GRIK1: variants seen among roughly 807,000 people sequenced by gnomAD.
The protein encoded by GRIK1 is glutamate receptor ionotropic, kainate 1.
In GRIK1, 69 loss-of-function variants were observed where a neutral mutation model predicts 105.7. The ratio of observed to expected loss-of-function variants is 0.65; its 90% CI spans 0.54 to 0.80. The LOEUF (loss-of-function observed/expected upper bound fraction) is 0.80, where lower values mean the gene tolerates loss of function less well. Among genes scored for constraint, GRIK1 ranks in the 30% least tolerant of loss-of-function variants. The pLI is 0.00. For missense variants in GRIK1, 1,109 were observed against 1,167.3 expected, an observed-to-expected ratio of 0.95 and a Z score of 0.73; for synonymous variants, 438 against 431.3, an observed-to-expected ratio of 1.02 and a Z score of -0.19.
intron 1 of GRIK1, chr21:29,758,785 G>A (rs1475473337): frequency 3.3e-5 from 5 of 152,594 alleles, no homozygotes; most frequent in Non-Finnish European, 7.3e-5. Flanking sequence ...ATTAGTGTGC[G>A]TTTAGTGAGA....
At chr21:29,748,601 A>C (rs1227489401) in intron 1 of GRIK1, among the ~76,000 whole-genome samples, 1 of 152,266 alleles carries the variant, frequency 6.6e-6, no homozygotes, top group Non-Finnish European at 1.5e-5. Context: ...GCAGAATAGT[A>C]TAAGCATTTG....
chr21:29,586,007 C>T (rs769523035), intron 12 of GRIK1, among the ~76,000 whole-genome samples: 3 of 152,144 alleles, frequency 2.0e-5, no homozygotes, highest in African/African-American at 4.8e-5. Context: ...TCCCTACTAC[C>T]GGCCATGACA....
chr21:29,901,756 A>G (rs779192765), intron 1 of GRIK1, among the ~76,000 whole-genome samples: 3 of 152,318 alleles, frequency 2.0e-5, no homozygotes, highest in Non-Finnish European at 2.9e-5. Flanking sequence ...AACTATTCCA[A>G]TCAATAGAAA....
At chr21:29,771,154 T>C (rs2065802787) in intron 1 of GRIK1, among the ~76,000 whole-genome samples, 6 of 152,232 alleles carry the variant, frequency 3.9e-5, no homozygotes, top group Admixed American at 3.9e-4. Context: ...CCAGTACCCA[T>C]AGTGACTCTG....
chr21:29,719,204 T>A (rs1323056069), intron 1 of GRIK1, among the ~76,000 whole-genome samples: 1 of 151,048 alleles, frequency 6.6e-6, no homozygotes, highest in Non-Finnish European at 1.5e-5. Flanking sequence ...CTAGAAAAAA[T>A]ATTTATCTAG....
chr21:29,545,620 G>A (rs2090038657), intron 16 of GRIK1, among the ~76,000 whole-genome samples: 2 of 151,922 alleles, frequency 1.3e-5, no homozygotes, highest in South Asian at 4.2e-4. Flanking sequence ...GGTGTTAGTT[G>A]TCCACAGTGC....
At chr21:29,690,323 C>A (rs1293177420) in intron 2 of GRIK1, among the ~76,000 whole-genome samples, 2 of 152,250 alleles carry the variant, frequency 1.3e-5, no homozygotes, top group Admixed American at 6.5e-5. Flanking sequence ...TCCTAGTTAC[C>A]AACAAGCCCT....
chr21:29,779,355 TGTGTGTGCAC>T (rs1414494743), intron 1 of GRIK1, among the ~76,000 whole-genome samples: 1 of 148,218 alleles, frequency 6.7e-6, no homozygotes, highest in Admixed American at 6.8e-5. Flanking sequence ...TGTGTGTGTG[TGTGTGTGCAC>T]GTGTGTGTGT....
chr21:29,816,539 T>G (rs993782225), intron 1 of GRIK1, among the ~76,000 whole-genome samples: 6 of 152,114 alleles, frequency 3.9e-5, no homozygotes, highest in African/African-American at 1.4e-4. Context: ...GAATCAACCC[T>G]CAGTGTCCAA....
At chr21:29,630,642 C>T (rs2062246669) in intron 7 of GRIK1, 1 of 469,894 alleles carries the variant, frequency 2.1e-6, no homozygotes, top group South Asian at 1.6e-5. Flanking sequence ...CAGCCCCAGC[C>T]AACACCCTTC....
At position 29,622,822 on chromosome 21, in the gene GRIK1, C is replaced by T. The variant is rs192880735; in HGVS notation, c.1098+20004G>A. Among the ~76,000 whole-genome samples, 51 of 152,310 alleles carry T rather than the reference C, an allele frequency of 3.3e-4. No homozygotes were observed. The East Asian group carries it at 7.5e-3, about 22-fold the overall frequency. On this transcript the variant is annotated intron_variant, in intron 7 of 17. Transcript: ENST00000327783. ...AGATTCCCCATCTTAGGCTGTCCCT[C>T]TAGGGAAACTGACCTCTACTATATC...
chr21:29,592,296 C>T (rs1173431990), intron 9 of GRIK1, among the ~76,000 whole-genome samples: 3 of 152,160 alleles, frequency 2.0e-5, no homozygotes, highest in Non-Finnish European at 4.4e-5. Context: ...TGAGGATGCT[C>T]ACTTTTACTG....
At chr21:29,672,646 T>C (rs1431949184) in intron 4 of GRIK1, among the ~76,000 whole-genome samples, 1 of 152,094 alleles carries the variant, frequency 6.6e-6, no homozygotes, top group East Asian at 1.9e-4. Context: ...TCTGGCACAG[T>C]CTTTTCAAGA....
At chr21:29,595,056 G>A (rs2061384781) in intron 9 of GRIK1, among the ~76,000 whole-genome samples, 2 of 152,068 alleles carry the variant, frequency 1.3e-5, no homozygotes, top group Admixed American at 6.6e-5. Flanking sequence ...AGGTTACCGT[G>A]AATTTTTGAC....
At chr21:29,911,335 C>G (rs988300802) in intron 1 of GRIK1, among the ~76,000 whole-genome samples, 7 of 151,928 alleles carry the variant, frequency 4.6e-5, no homozygotes, top group Non-Finnish European at 8.8e-5. Flanking sequence ...TACAAAACAG[C>G]TGATTTTATG....
At chr21:29,737,198 A>G (rs1315408096) in intron 1 of GRIK1, among the ~76,000 whole-genome samples, 1 of 152,214 alleles carries the variant, frequency 6.6e-6, no homozygotes, top group African/African-American at 2.4e-5. Flanking sequence ...CAGGTGGCTT[A>G]TCTGATGGTC....
intron 2 of GRIK1, among the ~76,000 whole-genome samples, chr21:29,691,006 TC>T (rs1188340738): frequency 6.6e-6 from 1 of 152,180 alleles, no homozygotes; most frequent in Non-Finnish European, 1.5e-5. Flanking sequence ...AGGTGTGTCA[TC>T]CCTTATTTAA....
chr21:29,873,790 A>T, intron 1 of GRIK1, among the ~76,000 whole-genome samples: 1 of 152,182 alleles, frequency 6.6e-6, no homozygotes, highest in East Asian at 1.9e-4. Flanking sequence ...AAAGTTTCCA[A>T]CTGACCATAT....
At chr21:29,639,536 C>G (rs1389270922) in intron 7 of GRIK1, among the ~76,000 whole-genome samples, 18 of 152,098 alleles carry the variant, frequency 1.2e-4, no homozygotes, top group Admixed American at 1.2e-3. Context: ...AAGGGAGCCA[C>G]AGTAGGTTCA....
Sources: gnomAD v4.1 joint callset for allele counts (sites outside exome capture counted in the v4.1 genomes callset) on GRCh38, gnomAD v4.1.1 for gene constraint, MANE v1.5 for transcripts, NCBI Gene and HGNC (gene_info 2026-07-23, HGNC 2026-07-21) for gene names.